The following RBFOX1 variants were observed in gnomAD, a reference collection of about 807,000 sequenced individuals.
RBFOX1 encodes RNA binding protein fox-1 homolog 1.
Under a neutral mutation model 57.7 loss-of-function variants are expected in RBFOX1, and 8 were observed. The observed-to-expected ratio is 0.14, with a 90% CI of 0.08 to 0.25. The LOEUF is 0.25. Among genes scored for constraint, RBFOX1 ranks in the 10% least tolerant of loss-of-function variants. RBFOX1 has a pLI of 1.00. For synonymous variants in RBFOX1, 326 were observed against 222.4 expected (o/e 1.47, Z -4.15); for missense variants, 611 against 548.5 (o/e 1.11, Z -1.14).
Position 6,020,061 on chromosome 16 carries a change from T to C in RBFOX1, c.-127+69T>C. 2.2e-6 allele frequency: 3 copies of C among 1,359,946 alleles called. No individual in the cohort carries two copies. In the South Asian group the frequency reaches 5.1e-5, roughly 23 times the overall value. 84.2% of individuals were successfully genotyped at this position (1,359,946 alleles called of 1,614,324 possible). A position where few individuals can be genotyped will look rare whatever the true frequency, so the allele number is the denominator to read the frequency against. On this transcript the variant is annotated intron_variant, in intron 1 of 15. Transcript: ENST00000550418. ...GGTGGGTCAGGTCCAGAAGGTCTCA[T>C]GGAGGGAAGCGCTAGGTCCCCGAGA...
rs553093221 is a variant in RBFOX1, at chr16:7,146,950, A to G, written c.27+94852A>G. Among the ~76,000 whole-genome samples, 12 of 128,544 alleles carry G rather than the reference A, an allele frequency of 9.3e-5. No individual in the cohort carries two copies. The East Asian group carries it at 2.2e-3, about 24-fold the overall frequency. 84.3% of individuals were successfully genotyped at this position (128,544 alleles called of 152,430 possible). Reference sequence around the variant, plus strand: ...GGTGACAGAGTGATACCCTGCATCAAAATAATGATAAAAAAGAACAACGAC... The same window carrying G: ...GGTGACAGAGTGATACCCTGCATCAGAATAATGATAAAAAAGAACAACGAC... On this transcript the variant is annotated intron_variant, in intron 4 of 15. Transcript: ENST00000550418.
At chr16:5,291,960 A>T (rs1268081428) in intron 1 of RBFOX1, among the ~76,000 whole-genome samples, 1 of 151,152 alleles carries the variant, frequency 6.6e-6, no homozygotes, top group Non-Finnish European at 1.5e-5. Flanking sequence ...GTTGATGATG[A>T]AGATGTCTAG....
intron 3 of RBFOX1, among the ~76,000 whole-genome samples, chr16:6,706,573 G>C (rs1339612787): frequency 6.6e-6 from 1 of 152,192 alleles, no homozygotes; most frequent in African/African-American, 2.4e-5. Context: ...GTTTCTGGAT[G>C]CTGGGATGTG....
chr16:6,486,958 G>A (rs1051083428), intron 2 of RBFOX1, among the ~76,000 whole-genome samples: 5 of 152,002 alleles, frequency 3.3e-5, no homozygotes, highest in African/African-American at 9.7e-5. Context: ...CTTCTTGCAC[G>A]GCACCAAGAG....
chr16:5,713,934 G>T (rs904564137), intron 3 of RBFOX1, among the ~76,000 whole-genome samples: 101 of 152,342 alleles, frequency 6.6e-4, no homozygotes, highest in African/African-American at 2.0e-3. Context: ...CTTTCTGGGA[G>T]ACGTGGGAGA....
chr16:6,062,677 CTATATATG>C (rs1289882210), intron 1 of RBFOX1, among the ~76,000 whole-genome samples: 1 of 147,330 alleles, frequency 6.8e-6, no homozygotes, highest in Admixed American at 6.8e-5. Flanking sequence ...AGATATATAT[CTATATATG>C]TATATATGTA....
chr16:6,424,036 G>A lies in RBFOX1; in HGVS notation c.-64+106979G>A, dbSNP rs138915569. On this transcript the variant is annotated intron_variant, in intron 2 of 15. Coordinates refer to ENST00000550418, the MANE Select transcript of RBFOX1 (RefSeq NM_018723.4). The stretch of plus-strand genomic sequence containing the variant: ...AGGTGGATCACTAGGTCAGGAGTTC[G>A]AGACCAGCCTGGCCAACATGGTGAA... Among the ~76,000 whole-genome samples the A allele has an allele frequency of 3.0e-3, 455 of 152,122 alleles. 11 individuals carry two copies. The East Asian group carries it at 0.061, about 20-fold the overall frequency.
chr16:6,242,435 C>T (rs1424098837), intron 1 of RBFOX1, among the ~76,000 whole-genome samples: 3 of 151,666 alleles, frequency 2.0e-5, no homozygotes, highest in African/African-American at 4.8e-5. Context: ...CACTATGTTG[C>T]CCAGGCTGGT....
At chr16:6,446,152 A>G (rs1007492131) in intron 2 of RBFOX1, among the ~76,000 whole-genome samples, 3 of 152,010 alleles carry the variant, frequency 2.0e-5, no homozygotes, top group African/African-American at 7.2e-5. Context: ...ACTGATTTTA[A>G]TTTTTAAGCC....
At chr16:5,572,370 C>G (rs562147513) in intron 2 of RBFOX1, among the ~76,000 whole-genome samples, 1 of 152,264 alleles carries the variant, frequency 6.6e-6, no homozygotes, top group South Asian at 2.1e-4. Context: ...GACAAAAATC[C>G]CTGAGGCCAC....
chr16:7,671,273 C>A (rs1053120568), intron 13 of RBFOX1, among the ~76,000 whole-genome samples: 1 of 152,160 alleles, frequency 6.6e-6, no homozygotes, highest in African/African-American at 2.4e-5. Flanking sequence ...AGGCAAGAAG[C>A]CATGAAATTA....
At chr16:7,216,579 AC>A (rs989474557) in intron 4 of RBFOX1, among the ~76,000 whole-genome samples, 10 of 152,040 alleles carry the variant, frequency 6.6e-5, no homozygotes, top group Non-Finnish European at 1.2e-4. Flanking sequence ...AATTGCTTGA[AC>A]CTGGGAGGTA....
intron 4 of RBFOX1, among the ~76,000 whole-genome samples, chr16:7,148,618 C>A (rs2075512092): frequency 6.6e-6 from 1 of 152,192 alleles, no homozygotes; most frequent in Non-Finnish European, 1.5e-5. Flanking sequence ...TCACCCTTTC[C>A]CTTGTACTTG....
chr16:6,698,601 C>A (rs1193357209), intron 3 of RBFOX1, among the ~76,000 whole-genome samples: 1 of 152,190 alleles, frequency 6.6e-6, no homozygotes, highest in Non-Finnish European at 1.5e-5. Context: ...CCCACAGGGT[C>A]TAACATGCCA....
intron 2 of RBFOX1, among the ~76,000 whole-genome samples, chr16:6,392,813 ATTAACCAT>A (rs1192376827): frequency 6.6e-6 from 1 of 152,234 alleles, no homozygotes; most frequent in Non-Finnish European, 1.5e-5. Context: ...TGGATAATAA[ATTAACCAT>A]TTACAGTTTG....
intron 1 of RBFOX1, among the ~76,000 whole-genome samples, chr16:5,279,874 A>T (rs1261918705): frequency 1.3e-5 from 2 of 152,154 alleles, no homozygotes; most frequent in Non-Finnish European, 1.5e-5. Flanking sequence ...AGATTATGTC[A>T]TCTGCAAAGT....
chr16:5,727,514 C>T (rs189904143), intron 3 of RBFOX1, among the ~76,000 whole-genome samples: 102 of 152,256 alleles, frequency 6.7e-4, no homozygotes, highest in African/African-American at 2.3e-3. Flanking sequence ...ACTCTCTTTG[C>T]GTATTTCAAA....
chr16:5,386,631 T>C (rs1338858129), intron 1 of RBFOX1, among the ~76,000 whole-genome samples: 1 of 152,190 alleles, frequency 6.6e-6, no homozygotes, highest in Non-Finnish European at 1.5e-5. Flanking sequence ...TCCCACTGCC[T>C]GGAATGAATG....
chr16:7,047,449 A>AGCATT (rs2048355386), intron 3 of RBFOX1, among the ~76,000 whole-genome samples: 1 of 152,096 alleles, frequency 6.6e-6, no homozygotes, highest in South Asian at 2.1e-4. Context: ...GGCCCTTACA[A>AGCATT]GCATTGCATT....
Sources: gnomAD v4.1 joint callset for allele counts (sites outside exome capture counted in the v4.1 genomes callset) on GRCh38, gnomAD v4.1.1 for gene constraint, MANE v1.5 for transcripts, NCBI Gene and HGNC (gene_info 2026-07-23, HGNC 2026-07-21) for gene names.